AGMO: variants seen among roughly 807,000 people sequenced by gnomAD.
AGMO encodes alkylglycerol monooxygenase.
AGMO carries 75 observed loss-of-function variants against 60.2 expected under a neutral mutation model. That is an observed-to-expected ratio of 1.25 (90% CI 1.03 to 1.51). The LOEUF (loss-of-function observed/expected upper bound fraction) is 1.51, where lower values mean the gene tolerates loss of function less well. AGMO is among the 40% of genes most tolerant of loss of function. AGMO has a pLI of 0.00. For missense variants in AGMO, 763 were observed against 525.5 expected, an observed-to-expected ratio of 1.45 and a Z score of -4.42; for synonymous variants, 261 against 177.1, an observed-to-expected ratio of 1.47 and a Z score of -3.76.
At chr7:15,210,135 T>G (rs571337602) in intron 12 of AGMO, among the ~76,000 whole-genome samples, 52 of 152,294 alleles carry the variant, frequency 3.4e-4, no homozygotes, top group African/African-American at 1.2e-3. Flanking sequence ...ATGTGAAATC[T>G]CCACATTTCA....
chr7:15,257,137 T>C (rs898320802), intron 12 of AGMO, among the ~76,000 whole-genome samples: 2 of 152,180 alleles, frequency 1.3e-5, no homozygotes, highest in Non-Finnish European at 2.9e-5. Flanking sequence ...AAAAAAAGTT[T>C]CAAGCAACAT....
chr7:15,231,895 T>C (rs758052527), intron 12 of AGMO, among the ~76,000 whole-genome samples: 1 of 152,142 alleles, frequency 6.6e-6, no homozygotes, highest in Non-Finnish European at 1.5e-5. Context: ...CAATAAAAAA[T>C]AATAAAGTAG....
intron 12 of AGMO, among the ~76,000 whole-genome samples, chr7:15,229,416 A>C (rs187428618): frequency 2.6e-5 from 4 of 151,658 alleles, no homozygotes; most frequent in Non-Finnish European, 5.9e-5. Context: ...AATAAATAAA[A>C]GCTATCCTCA....
chr7:15,171,316 TAA>T, the AGMO span, among the ~76,000 whole-genome samples: 1 of 152,068 alleles, frequency 6.6e-6, no homozygotes. Context: ...ACCACAGAGG[TAA>T]AGAGTCATTG....
chr7:15,467,810 A>G (rs1782334073), intron 3 of AGMO, among the ~76,000 whole-genome samples: 1 of 152,150 alleles, frequency 6.6e-6, no homozygotes, highest in Non-Finnish European at 1.5e-5. Flanking sequence ...AATATAATTG[A>G]AGATTAAGAT....
intron 12 of AGMO, among the ~76,000 whole-genome samples, chr7:15,224,317 G>C (rs1478001201): frequency 6.6e-6 from 1 of 152,016 alleles, no homozygotes; most frequent in Non-Finnish European, 1.5e-5. Flanking sequence ...ACACCAAACT[G>C]ATGGTATTAT....
At chr7:15,451,908 C>T (rs542963240) in intron 3 of AGMO, among the ~76,000 whole-genome samples, 14 of 152,222 alleles carry the variant, frequency 9.2e-5, no homozygotes, top group African/African-American at 2.4e-4. Context: ...TATTGGAACA[C>T]GGTTTGAACA....
intron 11 of AGMO, 57 bp from the exon 12 acceptor site, chr7:15,365,676 C>T: frequency 1.7e-6 from 2 of 1,163,444 alleles, no homozygotes; most frequent in Admixed American, 1.9e-5. Flanking sequence ...TATATGTTCA[C>T]ATGTTATAAT....
chr7:15,531,317 CATATATTCTATATATATTCTAT>C lies in AGMO; in HGVS notation c.409+13433_409+13454del, dbSNP rs1199323283. ...AAATATTCTCTATATATATTCTATA[CATATATTCTATATATATTCTAT>C]ATATATTCTATATATATTCTATATA... On this transcript the variant is annotated intron_variant, in intron 3 of 12. Coordinates refer to ENST00000342526, the MANE Select transcript of AGMO (RefSeq NM_001004320.2). 5.0e-3 allele frequency among the ~76,000 whole-genome samples: 261 copies of C among 52,574 alleles called. 9 individuals carry two copies. Among genetic ancestry groups the C allele is most frequent in the African/African-American group, 0.022 (223 of 10,274 alleles). 34.5% of individuals were successfully genotyped at this position (52,574 alleles called of 152,430 possible).
At chr7:15,477,546 T>C (rs1282711470) in intron 3 of AGMO, among the ~76,000 whole-genome samples, 1 of 152,152 alleles carries the variant, frequency 6.6e-6, no homozygotes, top group Non-Finnish European at 1.5e-5. Context: ...TTTGCATACA[T>C]TGAATGAAAA....
intron 8 of AGMO, among the ~76,000 whole-genome samples, chr7:15,389,371 A>G (rs1784049714): frequency 6.6e-6 from 1 of 152,204 alleles, no homozygotes; most frequent in South Asian, 2.1e-4. Flanking sequence ...CTTTCAGTGT[A>G]CCATTTCTCA....
chr7:15,376,126 A>G (rs1200764758), intron 10 of AGMO, among the ~76,000 whole-genome samples: 1 of 152,240 alleles, frequency 6.6e-6, no homozygotes, highest in African/African-American at 2.4e-5. Context: ...GTTACTACAA[A>G]TCCATTACAT....
At position 15,485,907 on chromosome 7, in the gene AGMO, T is replaced by C. The variant is rs1223010843; in HGVS notation, c.410-54799A>G. 2.6e-5 allele frequency among the ~76,000 whole-genome samples: 4 copies of C among 152,148 alleles called. No individual in the cohort carries two copies. The East Asian group carries it at 5.8e-4, about 22-fold the overall frequency. ...CAAGATCTAAAATATTCTAAGGGTT[T>C]AGGCATAGTTATAGAGTGATTTTCT... On this transcript the variant is annotated intron_variant, in intron 3 of 12. Coordinates refer to ENST00000342526, the MANE Select transcript of AGMO (RefSeq NM_001004320.2).
chr7:15,209,239 C>T (rs1310276080), intron 12 of AGMO, among the ~76,000 whole-genome samples: 1 of 152,146 alleles, frequency 6.6e-6, no homozygotes, highest in Non-Finnish European at 1.5e-5. Flanking sequence ...GTTTTCAATA[C>T]TTGATGTACA....
intron 10 of AGMO, among the ~76,000 whole-genome samples, chr7:15,366,738 T>C (rs1410565780): frequency 6.6e-6 from 1 of 152,068 alleles, no homozygotes; most frequent in African/African-American, 2.4e-5. Flanking sequence ...CATATATACA[T>C]GTCAAAAGCT....
At chr7:15,395,882 C>G (rs1463623401) in intron 5 of AGMO, among the ~76,000 whole-genome samples, 2 of 152,106 alleles carry the variant, frequency 1.3e-5, no homozygotes, top group African/African-American at 2.4e-5. Context: ...TACAGTTGCT[C>G]AATACATGTG....
At chr7:15,496,208 C>T (rs1783228526) in intron 3 of AGMO, among the ~76,000 whole-genome samples, 1 of 152,086 alleles carries the variant, frequency 6.6e-6, no homozygotes, top group South Asian at 2.1e-4. Flanking sequence ...GAGAGGGTGA[C>T]ACCACAGTGA....
rs528136818 is a variant in AGMO, at chr7:15,253,295, T to C, written c.1264-51936A>G. 5.3e-5 allele frequency among the ~76,000 whole-genome samples: 8 copies of C among 152,286 alleles called. No individual in the cohort carries two copies. In the South Asian group the frequency reaches 1.7e-3, roughly 32 times the overall value. On this transcript the variant is annotated intron_variant, in intron 12 of 12. Transcript: ENST00000342526. The stretch of plus-strand genomic sequence containing the variant: ...CTTAAGAGGTAGCTATTTATGGAGA[T>C]GCTAATGTTGGTACATGTGAATTTA...
At chr7:15,155,874 G>T in the AGMO span, among the ~76,000 whole-genome samples, 5 of 152,116 alleles carry the variant, frequency 3.3e-5, no homozygotes, top group African/African-American at 1.2e-4. Flanking sequence ...TAGTTTATTT[G>T]CTTTGTTTCT....
Sources: gnomAD v4.1 joint callset for allele counts (sites outside exome capture counted in the v4.1 genomes callset) on GRCh38, gnomAD v4.1.1 for gene constraint, MANE v1.5 for transcripts, NCBI Gene and HGNC (gene_info 2026-07-23, HGNC 2026-07-21) for gene names.